C8orf34: variants seen among roughly 807,000 people sequenced by gnomAD.
C8orf34 encodes the protein chromosome 8 open reading frame 34.
C8orf34 carries 65 observed loss-of-function variants against 68.3 expected under a neutral mutation model. The ratio of observed to expected loss-of-function variants is 0.95; its 90% CI spans 0.78 to 1.17. The LOEUF (loss-of-function observed/expected upper bound fraction) is 1.17. C8orf34 is among the 50% of genes most tolerant of loss of function. The probability of loss-of-function intolerance (pLI) is 0.00; values close to 1 mark genes in which losing one functional copy is unlikely to be tolerated. For missense variants in C8orf34, 664 were observed against 655.4 expected (o/e 1.01, Z -0.14); for synonymous variants, 244 against 241.2 (o/e 1.01, Z -0.11).
intron 5 of C8orf34, among the ~76,000 whole-genome samples, chr8:68,496,356 G>A (rs1813523082): frequency 6.6e-6 from 1 of 152,124 alleles, no homozygotes; most frequent in Non-Finnish European, 1.5e-5. Flanking sequence ...TTACACATAA[G>A]AAAATGAAAG....
chr8:68,534,963 T>G (rs149165061), intron 7 of C8orf34: 1 of 985,382 alleles, frequency 1.0e-6, no homozygotes, highest in African/African-American at 1.7e-5. Flanking sequence ...AGTTTAATAA[T>G]AAGAGATAGT....
chr8:68,644,786 AGTG>A (rs1264281880), intron 8 of C8orf34, among the ~76,000 whole-genome samples: 3 of 152,204 alleles, frequency 2.0e-5, no homozygotes, highest in Non-Finnish European at 2.9e-5. Context: ...ATCCAGACAG[AGTG>A]AGCCAGTCAG....
chr8:68,729,613 C>CA (rs1282119937), intron 10 of C8orf34, among the ~76,000 whole-genome samples: 1 of 151,882 alleles, frequency 6.6e-6, no homozygotes, highest in Non-Finnish European at 1.5e-5. Context: ...TGAGATTTGT[C>CA]AAAAATAATT....
chr8:68,553,014 T>C (rs1816126110), intron 7 of C8orf34, among the ~76,000 whole-genome samples: 1 of 152,126 alleles, frequency 6.6e-6, no homozygotes, highest in African/African-American at 2.4e-5. Flanking sequence ...ATTGTTGTTT[T>C]GTTTTATTTT....
At chr8:68,585,864 C>G (rs560770965) in intron 7 of C8orf34, among the ~76,000 whole-genome samples, 31 of 152,186 alleles carry the variant, frequency 2.0e-4, no homozygotes, top group African/African-American at 7.2e-4. Flanking sequence ...CAGACCCAAG[C>G]GGAGGCCACA....
chr8:68,552,918 T>C (rs1007545608), intron 7 of C8orf34, among the ~76,000 whole-genome samples: 2 of 152,318 alleles, frequency 1.3e-5, no homozygotes, highest in African/African-American at 4.8e-5. Flanking sequence ...TCCTTATTTG[T>C]TGTTTCTATA....
chr8:68,346,867 C>T (rs1806306267), intron 1 of C8orf34, among the ~76,000 whole-genome samples: 1 of 151,980 alleles, frequency 6.6e-6, no homozygotes, highest in African/African-American at 2.4e-5. Context: ...GATTTTAGTT[C>T]CTTCCAAGTT....
Position 68,564,178 on chromosome 8 carries a change from T to C in C8orf34, c.1105+31029T>C, listed in dbSNP as rs538609345. Among the ~76,000 whole-genome samples the C allele has an allele frequency of 3.3e-4, 50 of 152,344 alleles. 1 individual carries two copies. The highest frequency in any genetic ancestry group is 1.2e-3 in the African/African-American group (50 of 41,582). On this transcript the variant is annotated intron_variant, in intron 7 of 13. Coordinates refer to ENST00000518698, the MANE Select transcript of C8orf34 (RefSeq NM_052958.4). ...ATATACCTCTTTATTTCTGAAATTTTTAACATTTACAATTGAACAAAACCT... is the reference window on the plus strand; with the variant it reads ...ATATACCTCTTTATTTCTGAAATTTCTAACATTTACAATTGAACAAAACCT...
intron 7 of C8orf34, chr8:68,533,516 T>C: frequency 8.1e-6 from 8 of 989,816 alleles, no homozygotes; most frequent in Non-Finnish European, 9.6e-6. Flanking sequence ...CCAAAGTACA[T>C]ATTTCAGCCC....
chr8:68,565,670 T>C (rs1816566475), intron 7 of C8orf34, among the ~76,000 whole-genome samples: 2 of 152,086 alleles, frequency 1.3e-5, no homozygotes, highest in Non-Finnish European at 2.9e-5. Context: ...AGTGATGGAG[T>C]GTGCAAAATT....
intron 9 of C8orf34, among the ~76,000 whole-genome samples, chr8:68,714,613 A>C (rs1289056952): frequency 6.6e-6 from 1 of 152,180 alleles, no homozygotes; most frequent in Non-Finnish European, 1.5e-5. Context: ...CACTGCTGAA[A>C]GAAATTATAG....
intron 12 of C8orf34, among the ~76,000 whole-genome samples, chr8:68,805,887 A>G (rs1824465431): frequency 6.6e-6 from 1 of 151,422 alleles, no homozygotes; most frequent in Non-Finnish European, 1.5e-5. Flanking sequence ...TTTATATTTT[A>G]TTTTCTCCAC....
chr8:68,341,521 C>T (rs1431346222), intron 1 of C8orf34, among the ~76,000 whole-genome samples: 1 of 151,992 alleles, frequency 6.6e-6, no homozygotes, highest in Non-Finnish European at 1.5e-5. Flanking sequence ...GTGGATGTCC[C>T]CTCCATATCT....
At chr8:68,515,454 G>C (rs1814471206) in intron 5 of C8orf34, among the ~76,000 whole-genome samples, 1 of 151,248 alleles carries the variant, frequency 6.6e-6, no homozygotes, top group South Asian at 2.1e-4. Context: ...CAGCAAGATT[G>C]GCCTGTGTTT....
chr8:68,386,113 C>T (rs1203662655), intron 1 of C8orf34, among the ~76,000 whole-genome samples: 1 of 152,112 alleles, frequency 6.6e-6, no homozygotes, highest in African/African-American at 2.4e-5. Context: ...TGTTGTGTTG[C>T]CCAGGCTGAT....
intron 1 of C8orf34, among the ~76,000 whole-genome samples, chr8:68,336,615 G>A (rs1310855453): frequency 6.6e-6 from 1 of 152,086 alleles, no homozygotes; most frequent in African/African-American, 2.4e-5. Context: ...ATACTTAAGT[G>A]CATATACCTA....
At chr8:68,463,346 G>T (rs1436329501) in intron 3 of C8orf34, among the ~76,000 whole-genome samples, 1 of 124,216 alleles carries the variant, frequency 8.1e-6, no homozygotes, top group African/African-American at 3.1e-5. Context: ...ATTCACAGCC[G>T]AATTCTACCA....
chr8:68,592,056 A>T (rs1234490381), intron 7 of C8orf34, among the ~76,000 whole-genome samples: 2 of 152,174 alleles, frequency 1.3e-5, no homozygotes, highest in Non-Finnish European at 2.9e-5. Flanking sequence ...TTATAAACTT[A>T]CAAGTGTATA....
intron 10 of C8orf34, among the ~76,000 whole-genome samples, chr8:68,741,098 G>A (rs6989754): frequency 0.11 from 15,967 of 152,050 alleles, 914 homozygotes; most frequent in East Asian, 0.22. Context: ...AGGGAGGGAG[G>A]GGGGAGAGGA....
Sources: gnomAD v4.1 joint callset for allele counts (sites outside exome capture counted in the v4.1 genomes callset) on GRCh38, gnomAD v4.1.1 for gene constraint, MANE v1.5 for transcripts, NCBI Gene and HGNC (gene_info 2026-07-23, HGNC 2026-07-21) for gene names.